Variants in COMMD10 observed in about 807,000 individuals in gnomAD.
COMMD10 encodes the protein COMM domain containing 10, also known as COMM domain-containing protein 10.
A neutral mutation model predicts 28.9 loss-of-function variants in COMMD10; 33 were observed. The ratio of observed to expected loss-of-function variants is 1.14; its 90% CI spans 0.87 to 1.53. The LOEUF is 1.53. Among genes scored for constraint, COMMD10 ranks in the 40% most tolerant of loss-of-function variants. The pLI, the probability that COMMD10 is intolerant of heterozygous loss-of-function variation, is 0.00. For missense variants in COMMD10, 310 were observed against 233.4 expected (o/e 1.33, Z -2.14); for synonymous variants, 110 against 81.7 (o/e 1.35, Z -1.87).
chr5:116,147,380 T>C (rs577363232), intron 5 of COMMD10, among the ~76,000 whole-genome samples: 1 of 152,016 alleles, frequency 6.6e-6, no homozygotes, highest in Non-Finnish European at 1.5e-5. Context: ...AAGAGACAGA[T>C]AGGATTAATA....
In COMMD10 at chr5:116,184,274, T is replaced by C. The variant is rs572044508; in HGVS notation, c.510+50096T>C. ...CTTTTGTGTTCACTCCCTAATTATG[T>C]ATTTACATTTTCTTTATTTTTCTTA... On this transcript the variant is annotated intron_variant, in intron 5 of 6. Transcript: ENST00000274458. Among the ~76,000 whole-genome samples, 3 of 150,920 alleles carry C rather than the reference T, an allele frequency of 2.0e-5. No homozygotes were observed. In the East Asian group the frequency reaches 5.9e-4, roughly 29 times the overall value.
At chr5:116,285,448 C>A (rs1751193045) in intron 5 of COMMD10, among the ~76,000 whole-genome samples, 1 of 151,842 alleles carries the variant, frequency 6.6e-6, no homozygotes, top group South Asian at 2.1e-4. Context: ...CCTGGGCCAC[C>A]CCTTGGAAGA....
intron 2 of COMMD10, among the ~76,000 whole-genome samples, chr5:116,087,790 A>G (rs1193624924): frequency 6.6e-6 from 1 of 152,226 alleles, no homozygotes; most frequent in Non-Finnish European, 1.5e-5. Context: ...TAAATTATGG[A>G]ACTTTTCAGA....
intron 5 of COMMD10, among the ~76,000 whole-genome samples, chr5:116,210,296 T>G (rs1748926426): frequency 6.6e-6 from 1 of 151,808 alleles, no homozygotes; most frequent in African/African-American, 2.4e-5. Flanking sequence ...TTAAGCATTT[T>G]ATTCTGTTAA....
chr5:116,128,359 A>G (rs895370810), intron 4 of COMMD10, among the ~76,000 whole-genome samples: 1 of 151,998 alleles, frequency 6.6e-6, no homozygotes, highest in Admixed American at 6.6e-5. Context: ...TTAGTGGCTT[A>G]TTTTCCTGTG....
chr5:116,275,601 C>T (rs544260439), intron 5 of COMMD10, among the ~76,000 whole-genome samples: 2 of 151,812 alleles, frequency 1.3e-5, no homozygotes, highest in East Asian at 3.9e-4. Flanking sequence ...GCGTGTTGCT[C>T]GTAAATCTAT....
At chr5:116,283,207 A>G (rs1201471915) in intron 5 of COMMD10, among the ~76,000 whole-genome samples, 4 of 151,898 alleles carry the variant, frequency 2.6e-5, no homozygotes, top group Admixed American at 2.6e-4. Context: ...CATTCTACCT[A>G]CAACAAAAAC....
At chr5:116,085,853 T>C (rs1750074977) in intron 1 of COMMD10, among the ~76,000 whole-genome samples, 1 of 152,206 alleles carries the variant, frequency 6.6e-6, no homozygotes, top group Non-Finnish European at 1.5e-5. Flanking sequence ...GGTAGAAATC[T>C]TTCAGAAGAA....
intron 5 of COMMD10, among the ~76,000 whole-genome samples, chr5:116,208,898 C>A (rs1323759016): frequency 6.6e-6 from 1 of 152,114 alleles, no homozygotes; most frequent in African/African-American, 2.4e-5. Flanking sequence ...GATGCAGGTA[C>A]TGTTTATCCA....
At chr5:116,202,070 T>G (rs1358948909) in intron 5 of COMMD10, among the ~76,000 whole-genome samples, 1 of 128,400 alleles carries the variant, frequency 7.8e-6, no homozygotes, top group Non-Finnish European at 1.6e-5. Context: ...CAGAGTGTGA[T>G]GTTCCCCTTC....
At chr5:116,260,926 G>A (rs1750425289) in intron 5 of COMMD10, among the ~76,000 whole-genome samples, 2 of 151,716 alleles carry the variant, frequency 1.3e-5, no homozygotes, top group Admixed American at 6.6e-5. Flanking sequence ...AAGTTGTGAA[G>A]CAACATGTTC....
chr5:116,170,764 A>G (rs1161899923), intron 5 of COMMD10, among the ~76,000 whole-genome samples: 1 of 152,070 alleles, frequency 6.6e-6, no homozygotes, highest in Admixed American at 6.6e-5. Flanking sequence ...AAATTATGTT[A>G]GGAAAACTGG....
intron 5 of COMMD10, among the ~76,000 whole-genome samples, chr5:116,226,003 C>T (rs962991805): frequency 6.6e-6 from 1 of 152,020 alleles, no homozygotes; most frequent in Admixed American, 6.6e-5. Flanking sequence ...ACTCCAAGTT[C>T]TAGCATCTTT....
chr5:116,187,301 A>G (rs1452659394), intron 5 of COMMD10, among the ~76,000 whole-genome samples: 3 of 152,172 alleles, frequency 2.0e-5, no homozygotes, highest in Non-Finnish European at 1.5e-5. Flanking sequence ...ATTAATGAAC[A>G]TACAAATGAA....
chr5:116,259,759 G>C (rs1298603539), intron 5 of COMMD10, among the ~76,000 whole-genome samples: 3 of 151,696 alleles, frequency 2.0e-5, no homozygotes, highest in Non-Finnish European at 4.4e-5. Context: ...CTGGGTTTCG[G>C]ACTACATTTC....
chr5:116,131,583 A>G (rs1751864616), intron 4 of COMMD10, among the ~76,000 whole-genome samples: 1 of 151,946 alleles, frequency 6.6e-6, no homozygotes, highest in Non-Finnish European at 1.5e-5. Flanking sequence ...TGTATATGTT[A>G]TGTGATTGAT....
At chr5:116,269,215 G>A (rs541422530) in intron 5 of COMMD10, among the ~76,000 whole-genome samples, 2 of 151,836 alleles carry the variant, frequency 1.3e-5, no homozygotes, top group East Asian at 3.9e-4. Flanking sequence ...TGTACAGAAA[G>A]TACTCTTTAT....
chr5:116,289,039 G>T (rs532384645), intron 5 of COMMD10, among the ~76,000 whole-genome samples: 1 of 151,196 alleles, frequency 6.6e-6, no homozygotes, highest in Admixed American at 6.6e-5. Context: ...ATGCCACCAT[G>T]CCTGGCTAAT....
At chr5:116,267,759 C>G (rs1206130976) in intron 5 of COMMD10, among the ~76,000 whole-genome samples, 2 of 151,788 alleles carry the variant, frequency 1.3e-5, no homozygotes, top group African/African-American at 2.4e-5. Context: ...AGATATAGCT[C>G]AATGGAACAG....
Sources: gnomAD v4.1 joint callset for allele counts (sites outside exome capture counted in the v4.1 genomes callset) on GRCh38, gnomAD v4.1.1 for gene constraint, MANE v1.5 for transcripts, NCBI Gene and HGNC (gene_info 2026-07-23, HGNC 2026-07-21) for gene names.